Variants in HIVEP3 observed in about 807,000 individuals in gnomAD.
The protein encoded by HIVEP3 is HIVEP zinc finger 3, also known as transcription factor HIVEP3.
HIVEP3 carries 49 observed loss-of-function variants against 152.8 expected under a neutral mutation model. The observed-to-expected ratio is 0.32, with a 90% CI of 0.26 to 0.41. HIVEP3 has a LOEUF of 0.41. Among genes scored for constraint, HIVEP3 ranks in the 10% least tolerant of loss-of-function variants. HIVEP3 has a pLI of 1.00. For missense variants in HIVEP3, 2,790 were observed against 3,103.3 expected (o/e 0.90, Z 2.40); for synonymous variants, 1,269 against 1,289.0 (o/e 0.98, Z 0.33).
intron 1 of HIVEP3, among the ~76,000 whole-genome samples, chr1:41,769,622 G>A: frequency 6.6e-6 from 1 of 152,120 alleles, no homozygotes; most frequent in East Asian, 1.9e-4. Flanking sequence ...AGGAACAAAG[G>A]AAGGAAGTAA....
At chr1:41,569,029 C>T (rs1022032242) in intron 5 of HIVEP3, among the ~76,000 whole-genome samples, 1 of 152,182 alleles carries the variant, frequency 6.6e-6, no homozygotes, top group African/African-American at 2.4e-5. Flanking sequence ...CGCTCTTGCT[C>T]CTGCTCCAGC....
chr1:41,961,183 C>T (rs201768228), intron 1 of HIVEP3, among the ~76,000 whole-genome samples: 2 of 152,148 alleles, frequency 1.3e-5, no homozygotes, highest in Non-Finnish European at 2.9e-5. Flanking sequence ...TGAGTTCATG[C>T]GGGGTCCACA....
Position 41,780,563 on chromosome 1 carries a change from C to G in HIVEP3, c.-800-79568G>C, listed in dbSNP as rs565892810. Among the ~76,000 whole-genome samples the G allele has an allele frequency of 2.6e-5, 4 of 152,326 alleles. No individual in the cohort carries two copies. In the South Asian group the frequency reaches 6.2e-4, roughly 24 times the overall value. The stretch of plus-strand genomic sequence containing the variant: ...CACCTCCTAAACCTGCAGATTGGAG[C>G]AGGCCCCTTGACATCCCTGCAGGAG... On this transcript the variant is annotated intron_variant, in intron 1 of 8. Coordinates refer to ENST00000372583, the MANE Select transcript of HIVEP3 (RefSeq NM_024503.5).
At chr1:41,845,332 C>T (rs1643407122) in intron 1 of HIVEP3, among the ~76,000 whole-genome samples, 1 of 151,656 alleles carries the variant, frequency 6.6e-6, no homozygotes, top group Admixed American at 6.6e-5. Context: ...TAAATAAATA[C>T]TAGTAGAATG....
intron 1 of HIVEP3, among the ~76,000 whole-genome samples, chr1:41,936,259 T>A (rs967646085): frequency 1.3e-5 from 2 of 152,096 alleles, no homozygotes; most frequent in Non-Finnish European, 1.5e-5. Flanking sequence ...AATCAATCTA[T>A]TCAGATGACT....
intron 1 of HIVEP3, among the ~76,000 whole-genome samples, chr1:41,905,301 CAGGTGACAA>C (rs1228989361): frequency 6.6e-6 from 1 of 152,158 alleles, no homozygotes; most frequent in Non-Finnish European, 1.5e-5. Context: ...GAAGAGCTAG[CAGGTGACAA>C]AGGAAACAAG....
chr1:41,513,576 G>T lies in HIVEP3; in HGVS notation c.5645C>A (p.Pro1882His), dbSNP rs2149047392. 6.2e-7 allele frequency: 1 copy of T among 1,613,228 alleles called. No individual in the cohort carries two copies. The highest frequency in any genetic ancestry group is 8.5e-7 in the Non-Finnish European group (1 of 1,179,784). Reference sequence around the variant, plus strand: ...CAGTGCATGTGGTGGGCCAGGCGGGGGCGCCTCTGAGGATGGTCTGGACAG... The same window carrying T: ...CAGTGCATGTGGTGGGCCAGGCGGGTGCGCCTCTGAGGATGGTCTGGACAG... ...DELSRPSSEA[P>H]PPGPPHALRA... The change falls in exon 8 of 9, where the codon CCC becomes CAC. Residue 1882 changes from proline (P) to histidine (H), a missense_variant. Coordinates refer to ENST00000372583, the MANE Select transcript of HIVEP3 (RefSeq NM_024503.5).
At chr1:41,616,873 C>A (rs894129258) in intron 3 of HIVEP3, among the ~76,000 whole-genome samples, 1 of 152,210 alleles carries the variant, frequency 6.6e-6, no homozygotes, top group East Asian at 1.9e-4. Flanking sequence ...CTGTACCAGG[C>A]ACAGTTATAA....
intron 1 of HIVEP3, among the ~76,000 whole-genome samples, chr1:41,937,179 C>T (rs1213181197): frequency 6.6e-6 from 1 of 152,094 alleles, no homozygotes; most frequent in Admixed American, 6.6e-5. Flanking sequence ...ACATTATTAT[C>T]CAAAGTCAGA....
At chr1:41,888,202 ATTT>A (rs61561436) in intron 1 of HIVEP3, among the ~76,000 whole-genome samples, 144 of 99,196 alleles carry the variant, frequency 1.5e-3, no homozygotes, top group African/African-American at 5.6e-3. Context: ...CGCCCGGCTA[ATTT>A]TTTTTTTTTT....
intron 1 of HIVEP3, among the ~76,000 whole-genome samples, chr1:41,849,462 C>T (rs1643534744): frequency 6.6e-6 from 1 of 152,174 alleles, no homozygotes; most frequent in African/African-American, 2.4e-5. Flanking sequence ...CTTGCTAACC[C>T]CTCCTCCATG....
intron 2 of HIVEP3, among the ~76,000 whole-genome samples, chr1:41,648,707 G>A (rs1174836841): frequency 6.6e-6 from 1 of 152,246 alleles, no homozygotes; most frequent in East Asian, 1.9e-4. Context: ...GGAGGACATG[G>A]ACTGTAGGCC....
chr1:41,668,643 C>G (rs577620479), intron 2 of HIVEP3, among the ~76,000 whole-genome samples: 34 of 152,350 alleles, frequency 2.2e-4, no homozygotes, highest in Admixed American at 1.1e-3. Context: ...TATCCCCCAT[C>G]CACCCTTCCC....
chr1:41,583,879 G>C lies in HIVEP3; in HGVS notation c.919C>G (p.Leu307Val). The change falls in exon 4 of 9, where the codon CTC becomes GTC. Residue 307 changes from leucine to valine, a missense_variant. Physicochemically the swap from Leu to Val is conservative, Grantham distance 32. This residue lies in a region of HIVEP3 where 125 missense variants were observed against 130.1 expected (regional missense o/e 0.96). Coordinates refer to ENST00000372583, the MANE Select transcript of HIVEP3 (RefSeq NM_024503.5). This position sits in a 1 kb window ranked among gnomAD's most constrained non-coding sequence, Gnocchi z 6.9. ...CCAGAGCTGTATAGCCCGCTGGAGA[G>C]AAGGGGCTGCTTGGGTCTTGGGGAG... Reference protein sequence around the residue: ...ELSPRPKQPLLSSGLYSSGSH... With the variant: ...ELSPRPKQPLVSSGLYSSGSH... 2 of 1,613,932 alleles carry C rather than the reference G, an allele frequency of 1.2e-6. No individual in the cohort carries two copies. The highest frequency in any genetic ancestry group is 8.5e-7 in the Non-Finnish European group (1 of 1,179,896).
At chr1:41,722,280 TCC>T (rs1646684550) in intron 1 of HIVEP3, among the ~76,000 whole-genome samples, 2 of 152,174 alleles carry the variant, frequency 1.3e-5, no homozygotes, top group Non-Finnish European at 2.9e-5. Context: ...CATCTCTAGC[TCC>T]CAGCACAGGC....
chr1:41,583,868 C>G lies in HIVEP3; in HGVS notation c.930G>C (p.Gly310=). 4 of 1,613,110 alleles carry G rather than the reference C, an allele frequency of 2.5e-6. No homozygotes were observed. Among genetic ancestry groups the G allele is most frequent in the Non-Finnish European group, 2.5e-6 (3 of 1,179,530 alleles). ...AACTGTGGCTCCCAGAGCTGTATAG[C>G]CCGCTGGAGAGAAGGGGCTGCTTGG... is the stretch of plus-strand genomic sequence containing the variant. ...PRPKQPLLSS[G]LYSSGSHSSS... is the part of the protein sequence containing the mutation. The change falls in exon 4 of 9, where the codon GGG becomes GGC. Residue 310 remains glycine, a synonymous_variant. Coordinates refer to ENST00000372583, the MANE Select transcript of HIVEP3 (RefSeq NM_024503.5). This position sits in a 1 kb window ranked among gnomAD's most constrained non-coding sequence, Gnocchi z 6.9.
chr1:41,983,979 TGAGA>T (rs10562120), intron 1 of HIVEP3, among the ~76,000 whole-genome samples: 1,908 of 152,046 alleles, frequency 0.013, 33 homozygotes, highest in African/African-American at 0.043. Flanking sequence ...ATATTTTTTT[TGAGA>T]GAGAGAGAGA....
chr1:41,882,384 T>C (rs984411541), intron 1 of HIVEP3, among the ~76,000 whole-genome samples: 1 of 152,218 alleles, frequency 6.6e-6, no homozygotes, highest in Admixed American at 6.5e-5. Flanking sequence ...CAGACCCTAC[T>C]GTGGCCAGGC....
chr1:41,753,788 T>C (rs573730537), intron 1 of HIVEP3, among the ~76,000 whole-genome samples: 1 of 152,298 alleles, frequency 6.6e-6, no homozygotes, highest in Non-Finnish European at 1.5e-5. Context: ...CAGGTATTTA[T>C]TGAGCAGGCA....
Sources: gnomAD v4.1 joint callset for allele counts (sites outside exome capture counted in the v4.1 genomes callset) on GRCh38, gnomAD v4.1.1 for gene constraint, gnomAD v4.1.1 regional missense constraint, Gnocchi (gnomAD v3.1) non-coding constraint, MANE v1.5 for transcripts, NCBI Gene and HGNC (gene_info 2026-07-23, HGNC 2026-07-21) for gene names.